Variants in KPNA6 observed in about 807,000 individuals in gnomAD.
KPNA6 encodes importin subunit alpha-7.
KPNA6 carries 9 observed loss-of-function variants against 72.0 expected under a neutral mutation model. The observed-to-expected ratio is 0.13, with a 90% CI of 0.08 to 0.22. The LOEUF (loss-of-function observed/expected upper bound fraction) is 0.22. Ranked by LOEUF, KPNA6 falls within the 10% of genes least tolerant of loss-of-function variation. The pLI is 1.00. For missense variants in KPNA6, 374 were observed against 655.7 expected, an observed-to-expected ratio of 0.57 and a Z score of 4.69; for synonymous variants, 219 against 242.1, an observed-to-expected ratio of 0.90 and a Z score of 0.89.
chr1:32,116,320 T>A (rs1020467134), intron 1 of KPNA6, among the ~76,000 whole-genome samples: 2 of 151,148 alleles, frequency 1.3e-5, no homozygotes, highest in Non-Finnish European at 3.0e-5. Context: ...TTGTTTTTTT[T>A]AAACATTTGT....
Position 32,162,354 on chromosome 1 carries a change from C to G in KPNA6, c.748-7C>G, listed in dbSNP as rs774905311. 2 of 1,575,088 alleles carry G rather than the reference C, an allele frequency of 1.3e-6. No individual in the cohort carries two copies. Among genetic ancestry groups the G allele is most frequent in the East Asian group, 4.5e-5 (2 of 44,664 alleles). ...CCTGTGAGTCTTTCTCACTCTGCTT[C>G]CCACAGGTCTCTCCTTGTTTGCCTG... On this transcript the variant is annotated splice_polypyrimidine_tract_variant and splice_region_variant and intron_variant, in intron 8 of 13. Transcript: ENST00000373625.
intron 1 of KPNA6, among the ~76,000 whole-genome samples, chr1:32,134,883 T>A (rs182971648): frequency 2.0e-5 from 3 of 151,594 alleles, no homozygotes; most frequent in South Asian, 2.1e-4. Context: ...TTCTTTTTTT[T>A]AATTTTATTT....
At chr1:32,163,014 G>C (rs1271432572) in intron 9 of KPNA6, among the ~76,000 whole-genome samples, 1 of 151,282 alleles carries the variant, frequency 6.6e-6, no homozygotes, top group Non-Finnish European at 1.5e-5. Flanking sequence ...TGAGGCAGGA[G>C]AATGGCGTGA....
intron 1 of KPNA6, among the ~76,000 whole-genome samples, chr1:32,149,242 C>A (rs1641987485): frequency 6.6e-6 from 1 of 151,884 alleles, no homozygotes; most frequent in South Asian, 2.1e-4. Flanking sequence ...TATTGATATT[C>A]TCATTTTATT....
chr1:32,109,036 A>G (rs186864447), intron 1 of KPNA6, among the ~76,000 whole-genome samples: 64 of 152,332 alleles, frequency 4.2e-4, no homozygotes, highest in Non-Finnish European at 8.5e-4. Flanking sequence ...CTTAATTTGT[A>G]CAACCTAAGG....
At chr1:32,115,436 A>C (rs1482998979) in intron 1 of KPNA6, among the ~76,000 whole-genome samples, 1 of 151,548 alleles carries the variant, frequency 6.6e-6, no homozygotes, top group East Asian at 1.9e-4. Flanking sequence ...ACTGTGCCCA[A>C]CTTTTTTTTT....
intron 1 of KPNA6, among the ~76,000 whole-genome samples, chr1:32,118,922 C>T (rs577493384): frequency 4.6e-4 from 66 of 144,886 alleles, no homozygotes; most frequent in Middle Eastern, 3.8e-3. Flanking sequence ...TAATTAATAG[C>T]TGTTAATCAC....
At chr1:32,114,293 T>C (rs1641290580) in intron 1 of KPNA6, among the ~76,000 whole-genome samples, 1 of 151,818 alleles carries the variant, frequency 6.6e-6, no homozygotes, top group Non-Finnish European at 1.5e-5. Context: ...TACAAAAAAT[T>C]AGCCTGGTGT....
At position 32,159,411 on chromosome 1, in the gene KPNA6, C is replaced by G; in HGVS notation, c.438C>G (p.Ala146=). ...AATCTCACTTTCAGTTTGAAGCTGC[C>G]TGGGCTCTAACGAATATTGCCTCTG... ...NENCTLQFEA[A]WALTNIASGT... is the part of the protein sequence containing the mutation. Residue 146 remains alanine, a synonymous_variant, in exon 6 of 14, where the codon GCC becomes GCG. Coordinates refer to ENST00000373625, the MANE Select transcript of KPNA6 (RefSeq NM_012316.5). 1 of 1,613,998 alleles carries G rather than the reference C, an allele frequency of 6.2e-7. No homozygotes were observed. Among genetic ancestry groups the G allele is most frequent in the Non-Finnish European group, 8.5e-7 (1 of 1,179,970 alleles).
intron 13 of KPNA6, 44 bp from the exon 14 acceptor site, chr1:32,170,663 G>A (rs751133719): frequency 1.9e-6 from 3 of 1,556,336 alleles, no homozygotes; most frequent in Admixed American, 1.7e-5. Flanking sequence ...CCTGCCCATA[G>A]AAAAGCACTC....
chr1:32,132,171 A>G (rs1641650839), intron 1 of KPNA6, among the ~76,000 whole-genome samples: 1 of 151,908 alleles, frequency 6.6e-6, no homozygotes, highest in Admixed American at 6.6e-5. Flanking sequence ...GAGTTTCACC[A>G]TGTTGTCCAG....
intron 1 of KPNA6, among the ~76,000 whole-genome samples, chr1:32,115,113 T>G (rs1376523699): frequency 6.6e-6 from 1 of 151,846 alleles, no homozygotes; most frequent in Non-Finnish European, 1.5e-5. Context: ...GTGCTGGGAT[T>G]ATAGGCATGA....
In KPNA6 at chr1:32,163,029, G is replaced by A. The variant is rs552426924; in HGVS notation, c.912-206G>A. On this transcript the variant is annotated intron_variant, in intron 9 of 13. Coordinates refer to ENST00000373625, the MANE Select transcript of KPNA6 (RefSeq NM_012316.5). Reference sequence around the variant, plus strand: ...TGAGGCAGGAGAATGGCGTGAACCCGGGAGGCAGAGCTTGCAGTGAGCCGA... The same window carrying A: ...TGAGGCAGGAGAATGGCGTGAACCCAGGAGGCAGAGCTTGCAGTGAGCCGA... Among the ~76,000 whole-genome samples, 7 of 151,798 alleles carry A rather than the reference G, an allele frequency of 4.6e-5. No homozygotes were observed. In the South Asian group the frequency reaches 6.3e-4, roughly 14 times the overall value.
intron 5 of KPNA6, among the ~76,000 whole-genome samples, chr1:32,158,844 A>G (rs999663987): frequency 1.3e-5 from 2 of 152,224 alleles, no homozygotes; most frequent in Non-Finnish European, 2.9e-5. Context: ...CCTTAAAACA[A>G]TTTCAAAGGA....
intron 10 of KPNA6, 42 bp downstream of exon 10, chr1:32,163,355 A>G: frequency 6.8e-7 from 1 of 1,463,718 alleles, no homozygotes; most frequent in Non-Finnish European, 9.5e-7. Context: ...CAGCTATGGA[A>G]GAGCTTGTGG....
At position 32,115,297 on chromosome 1, in the gene KPNA6, G is replaced by A. The variant is rs543176940; in HGVS notation, c.4+7163G>A. 9.1e-4 allele frequency among the ~76,000 whole-genome samples: 138 copies of A among 151,792 alleles called. 3 individuals are homozygous for A. The South Asian group carries it at 0.026, about 28-fold the overall frequency. On this transcript the variant is annotated intron_variant, in intron 1 of 13. Coordinates refer to ENST00000373625, the MANE Select transcript of KPNA6 (RefSeq NM_012316.5). ...ACCACAGGCGCCCGCTACCACGCCC[G>A]GCTAATTTTTTTTTGTATTTTTAGT...
At chr1:32,160,359 T>C (rs1247053166) in intron 6 of KPNA6, among the ~76,000 whole-genome samples, 3 of 151,892 alleles carry the variant, frequency 2.0e-5, no homozygotes, top group African/African-American at 7.3e-5. Context: ...CTGGGCGATA[T>C]TGTTTTGGCT....
chr1:32,117,926 T>C (rs1641356040), intron 1 of KPNA6, among the ~76,000 whole-genome samples: 1 of 152,086 alleles, frequency 6.6e-6, no homozygotes, highest in Non-Finnish European at 1.5e-5. Flanking sequence ...GTTTTTCTTT[T>C]CTTTTTTTTA....
intron 1 of KPNA6, among the ~76,000 whole-genome samples, chr1:32,128,366 T>C (rs983672429): frequency 7.2e-6 from 1 of 138,478 alleles, no homozygotes; most frequent in Non-Finnish European, 1.5e-5. Flanking sequence ...AATATATATA[T>C]TTTTTATATT....
Sources: allele counts gnomAD v4.1 joint callset (sites outside exome capture counted in the v4.1 genomes callset), GRCh38; gene constraint gnomAD v4.1.1; transcripts MANE v1.5; gene names NCBI Gene and HGNC (gene_info 2026-07-23, HGNC 2026-07-21).